DRD2: variants seen among roughly 807,000 people sequenced by gnomAD.
DRD2 encodes the protein D(2) dopamine receptor.
In DRD2, 8 loss-of-function variants were observed where a neutral mutation model predicts 38.0. The ratio of observed to expected loss-of-function variants is 0.21; its 90% CI spans 0.12 to 0.38. DRD2 has a LOEUF of 0.38. Ranked by LOEUF, DRD2 falls within the 10% of genes least tolerant of loss-of-function variation. DRD2 has a pLI of 1.00. For missense variants in DRD2, 403 were observed against 607.7 expected (o/e 0.66, Z 3.54); for synonymous variants, 230 against 238.6 (o/e 0.96, Z 0.33).
At chr11:113,456,669 G>A (rs886717025) in intron 1 of DRD2, among the ~76,000 whole-genome samples, 10 of 152,118 alleles carry the variant, frequency 6.6e-5, no homozygotes, top group African/African-American at 2.2e-4. Flanking sequence ...GACAAATACT[G>A]CATTATGTGA....
chr11:113,415,052 G>A (rs56014166), intron 5 of DRD2, among the ~76,000 whole-genome samples: 30 of 152,254 alleles, frequency 2.0e-4, no homozygotes, highest in Non-Finnish European at 3.4e-4. Context: ...CAGAGAGTAC[G>A]GAAGGTAAAG....
At chr11:113,467,922 T>C (rs1245195964) in intron 1 of DRD2, among the ~76,000 whole-genome samples, 1 of 152,188 alleles carries the variant, frequency 6.6e-6, no homozygotes, top group Admixed American at 6.5e-5. Flanking sequence ...AAGAAAGAAG[T>C]ATATCCTTGA....
At chr11:113,419,396 A>G (rs1186198514) in intron 2 of DRD2, among the ~76,000 whole-genome samples, 5 of 151,984 alleles carry the variant, frequency 3.3e-5, no homozygotes, top group African/African-American at 9.7e-5. Flanking sequence ...TGGGAAATGA[A>G]GAGTCTAGCT....
intron 1 of DRD2, among the ~76,000 whole-genome samples, chr11:113,441,415 C>T (rs767610238): frequency 2.6e-5 from 4 of 152,202 alleles, no homozygotes; most frequent in Admixed American, 1.3e-4. Context: ...CCACATTTAG[C>T]TTGCATACAG....
At chr11:113,456,484 T>A (rs1320795064) in intron 1 of DRD2, among the ~76,000 whole-genome samples, 1 of 152,228 alleles carries the variant, frequency 6.6e-6, no homozygotes, top group Non-Finnish European at 1.5e-5. Flanking sequence ...CATTTGCTCG[T>A]TCCACAATAC....
chr11:113,418,651 A>T (rs1472121316), intron 2 of DRD2, among the ~76,000 whole-genome samples: 1 of 152,044 alleles, frequency 6.6e-6, no homozygotes, highest in Non-Finnish European at 1.5e-5. Flanking sequence ...CAAGCCAGCC[A>T]CCCCGTTTCT....
intron 1 of DRD2, among the ~76,000 whole-genome samples, chr11:113,457,113 C>A (rs1167365471): frequency 2.0e-5 from 3 of 152,090 alleles, no homozygotes; most frequent in Non-Finnish European, 2.9e-5. Context: ...ATGGGAGAGA[C>A]AGATGACAGT....
chr11:113,461,283 G>A (rs1219683946), intron 1 of DRD2, among the ~76,000 whole-genome samples: 1 of 152,206 alleles, frequency 6.6e-6, no homozygotes, highest in African/African-American at 2.4e-5. Context: ...GGGGCTCCCA[G>A]TTTCAGAGAG....
rs925941214 is a variant in DRD2, at chr11:113,410,271, CT to C, written c.*455del. ...GTTGCCTGGCTCCTCGGCAAGAGAGCTTGCTTGCCTCCTGTGGGCCTTGCAG... is the reference window on the plus strand; with the variant it reads ...GTTGCCTGGCTCCTCGGCAAGAGAGCTGCTTGCCTCCTGTGGGCCTTGCAG... On this transcript the variant is annotated 3_prime_UTR_variant, in exon 8 of 8. Coordinates refer to ENST00000362072, the MANE Select transcript of DRD2 (RefSeq NM_000795.4). 3 of 256,576 alleles carry C rather than the reference CT, an allele frequency of 1.2e-5. No homozygotes were observed. Among genetic ancestry groups the C allele is most frequent in the Non-Finnish European group, 2.3e-5 (3 of 131,036 alleles). The allele number at this position is 256,576 out of a possible 1,614,324, so 15.9% of individuals were successfully genotyped here. A position where few individuals can be genotyped will look rare whatever the true frequency, so the allele number is the denominator to read the frequency against.
intron 2 of DRD2, among the ~76,000 whole-genome samples, chr11:113,420,368 C>G (rs891307652): frequency 1.3e-5 from 2 of 152,180 alleles, no homozygotes; most frequent in Admixed American, 6.5e-5. Flanking sequence ...TATCTGGAGC[C>G]CAGAATAACA....
chr11:113,427,581 C>G (rs972189339), intron 1 of DRD2, among the ~76,000 whole-genome samples: 4 of 152,144 alleles, frequency 2.6e-5, no homozygotes, highest in African/African-American at 9.7e-5. Flanking sequence ...GTGGGCAGTA[C>G]GTATTCAACA....
chr11:113,468,224 T>C (rs7102650), intron 1 of DRD2, among the ~76,000 whole-genome samples: 11,320 of 152,258 alleles, frequency 0.074, 487 homozygotes, highest in East Asian at 0.18. Context: ...CATGGTCACA[T>C]AGCTAGTAAG....
At chr11:113,428,972 G>T (rs569030126) in intron 1 of DRD2, among the ~76,000 whole-genome samples, 4 of 152,246 alleles carry the variant, frequency 2.6e-5, no homozygotes, top group Admixed American at 2.6e-4. Context: ...CAGGTCAGGT[G>T]GGGTTGAGGG....
intron 1 of DRD2, among the ~76,000 whole-genome samples, chr11:113,447,888 CTCCAGCCTTG>C (rs972105485): frequency 4.6e-5 from 7 of 152,222 alleles, no homozygotes; most frequent in African/African-American, 1.7e-4. Flanking sequence ...ATGATGCGAT[CTCCAGCCTTG>C]TCCATGTTGA....
intron 1 of DRD2, among the ~76,000 whole-genome samples, chr11:113,452,483 C>T (rs1375949158): frequency 5.4e-4 from 60 of 111,556 alleles, no homozygotes; most frequent in Middle Eastern, 5.7e-3. Flanking sequence ...CGCGCGCGCG[C>T]GCGCACATTG....
At chr11:113,449,662 G>A (rs1951190904) in intron 1 of DRD2, among the ~76,000 whole-genome samples, 1 of 152,160 alleles carries the variant, frequency 6.6e-6, no homozygotes, top group African/African-American at 2.4e-5. Flanking sequence ...CACCAAGACG[G>A]TGTCAGCCAT....
chr11:113,418,784 T>G (rs1950852831), intron 2 of DRD2, among the ~76,000 whole-genome samples: 1 of 152,168 alleles, frequency 6.6e-6, no homozygotes, highest in Non-Finnish European at 1.5e-5. Flanking sequence ...TAGCCAACCC[T>G]AGGTTGCTTA....
rs974283217 is a variant in DRD2, at chr11:113,410,910, G to A, written c.1149C>T (p.Ile383=). The A allele has an allele frequency of 1.9e-6, 3 of 1,610,572 alleles. No individual in the cohort carries two copies. Among genetic ancestry groups the A allele is most frequent in the Admixed American group, 3.3e-5 (2 of 59,958 alleles). The change falls in exon 8 of 8, where the codon ATC becomes ATT. Residue 383 remains isoleucine, a synonymous_variant. Transcript: ENST00000362072. ...TGATGAAGAAGGGCAGCCAGCAGAT[G>A]ATGAACACGCCTGGGGGAGAGGGCA... is the stretch of plus-strand genomic sequence containing the variant. ...QMLAIVLGVF[I]ICWLPFFITH...
intron 1 of DRD2, among the ~76,000 whole-genome samples, chr11:113,459,765 AATAG>A (rs572660948): frequency 2.6e-5 from 4 of 152,256 alleles, no homozygotes; most frequent in South Asian, 2.1e-4. Context: ...TATCATTAAA[AATAG>A]ATAGAAGAGA....
Sources: allele counts gnomAD v4.1 joint callset (sites outside exome capture counted in the v4.1 genomes callset), GRCh38; gene constraint gnomAD v4.1.1; transcripts MANE v1.5; gene names NCBI Gene and HGNC (gene_info 2026-07-23, HGNC 2026-07-21).